Variants in UBE2G2 observed in about 807,000 individuals in gnomAD.
UBE2G2 encodes the protein ubiquitin conjugating enzyme E2 G2.
A neutral mutation model predicts 23.0 loss-of-function variants in UBE2G2; 10 were observed. That is an observed-to-expected ratio of 0.43 (90% CI 0.27 to 0.74). The LOEUF (loss-of-function observed/expected upper bound fraction) is 0.74, where lower values mean the gene tolerates loss of function less well. UBE2G2 is among the 30% of genes least tolerant of loss of function. UBE2G2 has a pLI of 0.19. For missense variants in UBE2G2, 150 were observed against 218.3 expected, an observed-to-expected ratio of 0.69 and a Z score of 1.97; for synonymous variants, 86 against 81.3, an observed-to-expected ratio of 1.06 and a Z score of -0.31.
chr21:44,781,036 C>A (rs1601183965), intron 3 of UBE2G2, among the ~76,000 whole-genome samples: 2 of 152,176 alleles, frequency 1.3e-5, no homozygotes, highest in South Asian at 4.1e-4. Flanking sequence ...TTGGGAAAGC[C>A]GACTGCTTTT....
intron 1 of UBE2G2, among the ~76,000 whole-genome samples, chr21:44,794,777 G>A (rs1456912021): frequency 6.6e-6 from 1 of 151,950 alleles, no homozygotes; most frequent in East Asian, 1.9e-4. Context: ...CTCGTGATCC[G>A]CCCACCTCAG....
At chr21:44,776,505 T>C (rs2082914613) in intron 4 of UBE2G2, among the ~76,000 whole-genome samples, 1 of 152,246 alleles carries the variant, frequency 6.6e-6, no homozygotes, top group Admixed American at 6.5e-5. Flanking sequence ...TCATTGATTC[T>C]TCTTTTAGAT....
intron 1 of UBE2G2, chr21:44,801,501 T>A: frequency 9.3e-7 from 1 of 1,076,968 alleles, no homozygotes; most frequent in Non-Finnish European, 1.2e-6. Flanking sequence ...TTACTGATGC[T>A]GGGAAGGCTT....
intron 1 of UBE2G2, among the ~76,000 whole-genome samples, 192 bp from the exon 2 acceptor site, chr21:44,788,287 G>GTTTTTTTTTTTTTTTTTTTTTTTT (rs71326069): frequency 1.5e-5 from 2 of 135,594 alleles, no homozygotes. Flanking sequence ...AAGTTTTTTT[G>GTTTTTTTTTTTTTTTTTTTTTTTT]TTTTTTTTTT....
chr21:44,773,702 G>A lies in UBE2G2; in HGVS notation c.245-15C>T, dbSNP rs373671317. The A allele has an allele frequency of 2.5e-6, 4 of 1,609,824 alleles. No homozygotes were observed. Among genetic ancestry groups the A allele is most frequent in the Non-Finnish European group, 3.4e-6 (4 of 1,179,176 alleles). On this transcript the variant is annotated splice_polypyrimidine_tract_variant and intron_variant, in intron 4 of 5. Coordinates refer to ENST00000345496, the MANE Select transcript of UBE2G2 (RefSeq NM_003343.6). The stretch of plus-strand genomic sequence containing the variant: ...ATCAGGGTAGACTGCAAGGGTCAGA[G>A]GCAGCCAAGTGAGCCCAGGAATGGT...
chr21:44,785,045 T>C (rs570276618), intron 3 of UBE2G2, among the ~76,000 whole-genome samples: 1 of 152,328 alleles, frequency 6.6e-6, no homozygotes, highest in African/African-American at 2.4e-5. Context: ...CCCGTCACCG[T>C]GGCTTAGTGG....
At chr21:44,783,711 T>C (rs2082973917) in intron 3 of UBE2G2, among the ~76,000 whole-genome samples, 1 of 152,192 alleles carries the variant, frequency 6.6e-6, no homozygotes, top group South Asian at 2.1e-4. Context: ...GGGGTTGGAA[T>C]GGGAACTGTC....
intron 3 of UBE2G2, 48 bp downstream of exon 3, chr21:44,787,872 T>C (rs2083008573): frequency 6.3e-7 from 1 of 1,598,708 alleles, no homozygotes; most frequent in African/African-American, 1.3e-5. Context: ...TTCTTACATC[T>C]GACTTCCAGC....
chr21:44,774,892 C>T (rs2082901478), intron 4 of UBE2G2: 8 of 368,134 alleles, frequency 2.2e-5, no homozygotes, highest in South Asian at 1.4e-4. Flanking sequence ...CCCAGCAGTG[C>T]CATGTCCTAA....
chr21:44,785,868 T>C (rs781842363), intron 3 of UBE2G2: 2 of 152,246 alleles, frequency 1.3e-5, no homozygotes, highest in African/African-American at 2.4e-5. Context: ...AAAAGCCTTG[T>C]TCAAACACAG....
In UBE2G2 at chr21:44,771,960, T is replaced by C. The variant is rs1187447983; in HGVS notation, c.386-471A>G. On this transcript the variant is annotated intron_variant, in intron 5 of 5. Coordinates refer to ENST00000345496, the MANE Select transcript of UBE2G2 (RefSeq NM_003343.6). The surrounding 1 kb of genome is among the most constrained non-coding windows in gnomAD (Gnocchi z 4.6). ...TCCTACCAAGACAATCCCAAGCAAA[T>C]GTGCAGCCTAAGGTAGACACCTGAC... 6.6e-6 allele frequency among the ~76,000 whole-genome samples: 1 copy of C among 151,884 alleles called. No individual in the cohort carries two copies. The highest frequency in any genetic ancestry group is 1.5e-5 in the Non-Finnish European group (1 of 67,962).
chr21:44,788,148 C>A, intron 1 of UBE2G2, 53 bp from the exon 2 acceptor site: 1 of 1,505,118 alleles, frequency 6.6e-7, no homozygotes, highest in South Asian at 1.2e-5. Flanking sequence ...GTTACATTGT[C>A]ATTTTAACAA....
In UBE2G2 at chr21:44,772,652, T is replaced by G. The variant is rs1555960069; in HGVS notation, c.385+895A>C. On this transcript the variant is annotated intron_variant, in intron 5 of 5. Transcript: ENST00000345496. This position sits in a 1 kb window ranked among gnomAD's most constrained non-coding sequence, Gnocchi z 5.4. ...GCCCCTTGTCCCACACACCTCAAAC[T>G]ATTCCCCAAATCCTGCTGTCTCCTG... is the stretch of plus-strand genomic sequence containing the variant. 6.6e-6 allele frequency among the ~76,000 whole-genome samples: 1 copy of G among 152,030 alleles called. No individual in the cohort carries two copies. The highest frequency in any genetic ancestry group is 2.4e-5 in the African/African-American group (1 of 41,380).
chr21:44,785,078 C>T (rs1031571561), intron 3 of UBE2G2, among the ~76,000 whole-genome samples: 1 of 152,190 alleles, frequency 6.6e-6, no homozygotes, highest in Admixed American at 6.5e-5. Context: ...GGGCCATGGA[C>T]CCTAGAGCTG....
In UBE2G2 at chr21:44,771,348, G is replaced by GTGTGGCGT. The variant is rs782258154; in HGVS notation, c.*28_*29insACGCCACA. 6.3e-7 allele frequency: 1 copy of GTGTGGCGT among 1,596,628 alleles called. No homozygotes were observed. Among genetic ancestry groups the GTGTGGCGT allele is most frequent in the South Asian group, 1.1e-5 (1 of 90,774 alleles). On this transcript the variant is annotated 3_prime_UTR_variant, in exon 6 of 6. Coordinates refer to ENST00000345496, the MANE Select transcript of UBE2G2 (RefSeq NM_003343.6). This position sits in a 1 kb window ranked among gnomAD's most constrained non-coding sequence, Gnocchi z 4.6. ...GGGGAGAATGCTGAGCTGCTTGGCG[G>GTGTGGCGT]TGTGTGCGCGCCTGTGCGAGGCCAG... is the stretch of plus-strand genomic sequence containing the variant.
At chr21:44,798,598 T>C (rs1373804863) in intron 1 of UBE2G2, among the ~76,000 whole-genome samples, 1 of 152,238 alleles carries the variant, frequency 6.6e-6, no homozygotes, top group East Asian at 1.9e-4. Flanking sequence ...AATCACTTCT[T>C]TGCTCATCTG....
intron 3 of UBE2G2, among the ~76,000 whole-genome samples, chr21:44,779,618 G>A (rs2082941519): frequency 1.3e-5 from 2 of 152,080 alleles, no homozygotes; most frequent in Admixed American, 6.5e-5. Context: ...CTGAAGCCCC[G>A]CCTTCTCAAC....
intron 3 of UBE2G2, among the ~76,000 whole-genome samples, chr21:44,777,739 T>A (rs1039596588): frequency 9.2e-5 from 14 of 151,890 alleles, no homozygotes; most frequent in African/African-American, 3.4e-4. Flanking sequence ...GCCTGGGAGG[T>A]GGAGGTTGCA....
intron 3 of UBE2G2, among the ~76,000 whole-genome samples, chr21:44,785,178 C>T (rs782384101): frequency 6.9e-4 from 105 of 152,182 alleles, no homozygotes; most frequent in Non-Finnish European, 1.9e-4. Flanking sequence ...GTGACTGGGC[C>T]AAGAGCAGCA....
Sources: gnomAD v4.1 joint callset for allele counts (sites outside exome capture counted in the v4.1 genomes callset) on GRCh38, gnomAD v4.1.1 for gene constraint, Gnocchi (gnomAD v3.1) non-coding constraint, MANE v1.5 for transcripts, NCBI Gene and HGNC (gene_info 2026-07-23, HGNC 2026-07-21) for gene names.